The following MECOM variants were observed in gnomAD, a reference collection of about 807,000 sequenced individuals.
MECOM encodes the protein MDS1 and EVI1 complex locus.
A neutral mutation model predicts 116.3 loss-of-function variants in MECOM; 13 were observed. That is an observed-to-expected ratio of 0.11 (90% CI 0.07 to 0.18). The LOEUF (loss-of-function observed/expected upper bound fraction) is 0.18, where lower values mean the gene tolerates loss of function less well. Among genes scored for constraint, MECOM ranks in the 10% least tolerant of loss-of-function variants. MECOM has a pLI of 1.00. For missense variants in MECOM, 1,299 were observed against 1,509.0 expected (o/e 0.86, Z 2.31); for synonymous variants, 528 against 535.2 (o/e 0.99, Z 0.19).
rs763920167 is a variant in MECOM at position 169,301,437 on chromosome 3, G to A, written c.375+79750C>T. On this transcript the variant is annotated intron_variant, in intron 2 of 16. Transcript: ENST00000651503. ...ATCATAATGCAGAAAATAAGCACTA[G>A]CAGTGTTGATAGCCTATGGCTTTTC... 3.9e-5 allele frequency among the ~76,000 whole-genome samples: 6 copies of A among 152,270 alleles called. No individual in the cohort carries two copies. In the South Asian group the frequency reaches 1.2e-3, roughly 32 times the overall value.
At position 169,095,254 on chromosome 3, in the gene MECOM, TAAAC is replaced by T; in HGVS notation, c.2850-13_2850-10del. The T allele has an allele frequency of 6.3e-7, 1 of 1,599,012 alleles. No individual in the cohort carries two copies. The highest frequency in any genetic ancestry group is 8.5e-7 in the Non-Finnish European group (1 of 1,173,344). ...TGTCACAGTATTTGCATCTGAAAAA[TAAAC>T]AAAGAGAAAATATTAGCAAGCACAT... On this transcript the variant is annotated splice_polypyrimidine_tract_variant and intron_variant, in intron 12 of 16. Transcript: ENST00000651503.
chr3:169,178,119 C>T (rs937079218), intron 2 of MECOM, among the ~76,000 whole-genome samples: 1 of 152,128 alleles, frequency 6.6e-6, no homozygotes, highest in Admixed American at 6.5e-5. Flanking sequence ...GTGCCTGACA[C>T]AGTCAGCATT....
chr3:169,581,587 C>A (rs558204110), intron 1 of MECOM, among the ~76,000 whole-genome samples: 7 of 152,092 alleles, frequency 4.6e-5, no homozygotes, highest in Non-Finnish European at 1.0e-4. Flanking sequence ...TCAATCAGTA[C>A]CAGATTATGA....
chr3:169,243,546 A>T (rs1755153210), intron 2 of MECOM, among the ~76,000 whole-genome samples: 1 of 152,210 alleles, frequency 6.6e-6, no homozygotes, highest in African/African-American at 2.4e-5. Flanking sequence ...ATATTGTTAA[A>T]AAAAATTCTT....
chr3:169,287,784 A>G (rs1713646364), intron 2 of MECOM, among the ~76,000 whole-genome samples: 1 of 152,306 alleles, frequency 6.6e-6, no homozygotes, highest in African/African-American at 2.4e-5. Context: ...AACATATTAG[A>G]GATACCTACT....
intron 1 of MECOM, among the ~76,000 whole-genome samples, chr3:169,649,310 G>A (rs973209243): frequency 1.4e-5 from 2 of 146,424 alleles, no homozygotes; most frequent in African/African-American, 5.1e-5. Context: ...TCCAGAGGCT[G>A]AGGCAAGAGA....
rs199656825 is a variant in MECOM at position 169,143,749 on chromosome 3, G to T, written c.459C>A (p.Phe153Leu). The change falls in exon 3 of 17, where the codon TTC becomes TTA. Residue 153 changes from phenylalanine to leucine, a missense_variant. Physicochemically the swap from Phe to Leu is conservative, Grantham distance 22 (BLOSUM62 0). Around this residue, in one of 6 missense-constraint regions of MECOM, gnomAD observed 374 missense variants for 433.4 expected, o/e 0.86. Coordinates refer to ENST00000651503, the MANE Select transcript of MECOM (RefSeq NM_004991.4). ...GGTTGTGCTGATCATAACAGCCAGC[G>T]AATCTAATGTACTTGAGCCAGCTTC... ...DVGSWLKYIR[F>L]AGCYDQHNLV... 840 of 1,611,232 alleles carry T rather than the reference G, an allele frequency of 5.2e-4. 2 individuals carry two copies. Among genetic ancestry groups the T allele is most frequent in the Non-Finnish European group, 5.0e-4 (595 of 1,178,686 alleles).
chr3:169,419,734 C>A (rs959512062), intron 1 of MECOM, among the ~76,000 whole-genome samples: 6 of 152,116 alleles, frequency 3.9e-5, no homozygotes, highest in Non-Finnish European at 5.9e-5. Flanking sequence ...AAAGCAATGG[C>A]AACAAAAGCC....
chr3:169,219,569 A>C (rs1277398975), intron 2 of MECOM, among the ~76,000 whole-genome samples: 2 of 152,104 alleles, frequency 1.3e-5, no homozygotes, highest in Non-Finnish European at 2.9e-5. Flanking sequence ...AGGTAAACTT[A>C]TAGCTAACTT....
Position 169,527,448 on chromosome 3 carries a change from C to T in MECOM, c.37+135888G>A, listed in dbSNP as rs12632427. 4.9e-3 allele frequency among the ~76,000 whole-genome samples: 740 copies of T among 152,288 alleles called. 3 individuals are homozygous for T. The highest frequency in any genetic ancestry group is 0.013 in the East Asian group (69 of 5,186). On this transcript the variant is annotated intron_variant, in intron 1 of 16. Coordinates refer to ENST00000651503, the MANE Select transcript of MECOM (RefSeq NM_004991.4). The stretch of plus-strand genomic sequence containing the variant: ...AAGGAGTAAAGAGATTGATGCATCA[C>T]TATGGACTACTTAAGCCCCACGCAG...
At chr3:169,241,513 C>A (rs1754810752) in intron 2 of MECOM, among the ~76,000 whole-genome samples, 1 of 152,020 alleles carries the variant, frequency 6.6e-6, no homozygotes, top group Non-Finnish European at 1.5e-5. Context: ...TGGAATGTAC[C>A]TTAAGCTAGG....
intron 2 of MECOM, among the ~76,000 whole-genome samples, chr3:169,254,252 C>T (rs1328761105): frequency 1.3e-5 from 2 of 152,110 alleles, no homozygotes; most frequent in African/African-American, 4.8e-5. Flanking sequence ...ATCCAAGTAG[C>T]ACATCCACAT....
chr3:169,115,347 T>C, intron 8 of MECOM, 36 bp downstream of exon 8: 5 of 1,590,020 alleles, frequency 3.1e-6, no homozygotes, highest in Non-Finnish European at 4.3e-6. Context: ...CTTTCATACA[T>C]CTGCTCATAT....
chr3:169,561,615 A>G (rs976863983), intron 1 of MECOM, among the ~76,000 whole-genome samples: 1 of 152,194 alleles, frequency 6.6e-6, no homozygotes, highest in African/African-American at 2.4e-5. Context: ...ATTCACGATA[A>G]TGACAACTTT....
chr3:169,312,036 C>A (rs1328063787), intron 2 of MECOM, among the ~76,000 whole-genome samples: 1 of 152,172 alleles, frequency 6.6e-6, no homozygotes, highest in Non-Finnish European at 1.5e-5. Context: ...GCCCAGACCA[C>A]GCGGGGCTTT....
intron 1 of MECOM, among the ~76,000 whole-genome samples, chr3:169,476,247 G>A (rs1382283330): frequency 6.6e-6 from 1 of 152,116 alleles, no homozygotes; most frequent in African/African-American, 2.4e-5. Context: ...TCTTCATAAT[G>A]TATTACACAA....
At chr3:169,138,866 T>C (rs969528156) in intron 3 of MECOM, among the ~76,000 whole-genome samples, 1 of 151,890 alleles carries the variant, frequency 6.6e-6, no homozygotes, top group Non-Finnish European at 1.5e-5. Context: ...CATAGTAAAA[T>C]CCAAAGAAAA....
chr3:169,659,439 G>GTTTTT (rs1775962837), intron 1 of MECOM, among the ~76,000 whole-genome samples: 4 of 54,068 alleles, frequency 7.4e-5, no homozygotes, highest in Admixed American at 2.2e-4. Context: ...CCTAAACACA[G>GTTTTT]ATTTTTTTTT....
At chr3:169,485,029 C>CT (rs1751941573) in intron 1 of MECOM, among the ~76,000 whole-genome samples, 1 of 152,144 alleles carries the variant, frequency 6.6e-6, no homozygotes, top group African/African-American at 2.4e-5. Context: ...GAGTTTCACT[C>CT]TTTCACCCAA....
Sources: allele counts gnomAD v4.1 joint callset (sites outside exome capture counted in the v4.1 genomes callset), GRCh38; gene constraint gnomAD v4.1.1; regional missense constraint gnomAD v4.1.1; transcripts MANE v1.5; gene names NCBI Gene and HGNC (gene_info 2026-07-23, HGNC 2026-07-21).